MGRN1: variants seen among roughly 807,000 people sequenced by gnomAD.
MGRN1 encodes the protein E3 ubiquitin-protein ligase MGRN1.
A neutral mutation model predicts 69.2 loss-of-function variants in MGRN1; 29 were observed. That is an observed-to-expected ratio of 0.42 (90% CI 0.31 to 0.57). The LOEUF is 0.57. Among genes scored for constraint, MGRN1 ranks in the 20% least tolerant of loss-of-function variants. MGRN1 has a pLI of 0.15. For synonymous variants in MGRN1, 470 were observed against 344.2 expected, an observed-to-expected ratio of 1.37 and a Z score of -4.04; for missense variants, 998 against 796.2, an observed-to-expected ratio of 1.25 and a Z score of -3.05.
In MGRN1 at chr16:4,687,749, G is replaced by A. The variant is rs945643460; in HGVS notation, c.1619-1047G>A. ...CCGAGGCCCATGCAGCCTGCTGGGA[G>A]GTGCCTGGCCGGGGGTGCAGGCTCT... On this transcript the variant is annotated intron_variant, in intron 16 of 16. Transcript: ENST00000262370. The A allele has an allele frequency of 4.4e-5, 43 of 985,498 alleles. No individual in the cohort carries two copies. In the Middle Eastern group the frequency reaches 2.6e-3, roughly 60 times the overall value. 61.0% of individuals were successfully genotyped at this position (985,498 alleles called of 1,614,324 possible). A position where few individuals can be genotyped will look rare whatever the true frequency, so the allele number is the denominator to read the frequency against.
At chr16:4,688,333 A>G in intron 16 of MGRN1, 1 of 988,750 alleles carries the variant, frequency 1.0e-6, no homozygotes, top group Admixed American at 6.1e-5. Flanking sequence ...GCCTTGCAGT[A>G]GCCATCCGGG....
intron 10 of MGRN1, among the ~76,000 whole-genome samples, chr16:4,675,508 G>T (rs1376205233): frequency 6.6e-6 from 1 of 152,114 alleles, no homozygotes; most frequent in African/African-American, 2.4e-5. Flanking sequence ...GGAGGTCAAG[G>T]CAGGAGGATC....
intron 5 of MGRN1, among the ~76,000 whole-genome samples, chr16:4,657,963 T>C (rs1364553884): frequency 4.6e-5 from 7 of 151,372 alleles, no homozygotes; most frequent in South Asian, 2.1e-4. Context: ...AGGATGGTCT[T>C]GATCTCCTGA....
At chr16:4,656,975 G>C (rs1315470187) in intron 4 of MGRN1, among the ~76,000 whole-genome samples, 2 of 152,160 alleles carry the variant, frequency 1.3e-5, no homozygotes, top group Non-Finnish European at 2.9e-5. Flanking sequence ...AGCTACACTG[G>C]GGAGGTATCA....
chr16:4,652,113 T>C, intron 3 of MGRN1, 62 bp downstream of exon 3: 1 of 1,526,370 alleles, frequency 6.6e-7, no homozygotes, highest in Non-Finnish European at 9.0e-7. Context: ...TGGTGGAGGT[T>C]CTGGCTTGAT....
intron 4 of MGRN1, among the ~76,000 whole-genome samples, chr16:4,655,054 C>A (rs778664688): frequency 3.9e-5 from 6 of 152,218 alleles, no homozygotes; most frequent in South Asian, 4.1e-4. Context: ...CCAGGGCAGG[C>A]CCCTCTGTCC....
At chr16:4,653,915 G>C (rs1397628388) in intron 4 of MGRN1, among the ~76,000 whole-genome samples, 1 of 152,128 alleles carries the variant, frequency 6.6e-6, no homozygotes. Context: ...ACCATGCCTG[G>C]CTAATTTTGT....
chr16:4,629,150 ATGTGTGTGTGTG>A (rs377682804), intron 1 of MGRN1, among the ~76,000 whole-genome samples: 16 of 127,698 alleles, frequency 1.3e-4, no homozygotes, highest in East Asian at 4.6e-4. Flanking sequence ...TTCTGTTCGT[ATGTGTGTGTGTG>A]TGTGTGTGTG....
At chr16:4,681,840 C>A in intron 13 of MGRN1, 64 bp downstream of exon 13, 2 of 1,477,786 alleles carry the variant, frequency 1.4e-6, no homozygotes, top group South Asian at 2.5e-5. Flanking sequence ...GAGCGGGTGT[C>A]TTTGTGGTTT....
intron 16 of MGRN1, chr16:4,688,041 C>T (rs1226898668): frequency 2.0e-6 from 2 of 985,426 alleles, no homozygotes; most frequent in African/African-American, 1.7e-5. Flanking sequence ...TGATCTAGAA[C>T]AGGGCTCACA....
intron 16 of MGRN1, chr16:4,688,542 G>C: frequency 7.9e-7 from 1 of 1,261,318 alleles, no homozygotes; most frequent in South Asian, 2.9e-5. Context: ...CTCTGACTCG[G>C]GGCTGCAGAT....
chr16:4,636,752 C>T (rs1037957934), intron 1 of MGRN1, among the ~76,000 whole-genome samples: 2 of 151,994 alleles, frequency 1.3e-5, no homozygotes, highest in Admixed American at 6.6e-5. Flanking sequence ...AGGTTGAGCG[C>T]CTTTCTCTAT....
chr16:4,674,313 G>C (rs1038245045), intron 10 of MGRN1, among the ~76,000 whole-genome samples: 5 of 150,898 alleles, frequency 3.3e-5, no homozygotes, highest in Non-Finnish European at 7.4e-5. Flanking sequence ...TTTTGAGATA[G>C]AGTCTCGCTC....
At position 4,681,660 on chromosome 16, in the gene MGRN1, C is replaced by T. The variant is rs62037153; in HGVS notation, c.1242C>T (p.Ile414=). 1.9e-6 allele frequency: 3 copies of T among 1,613,398 alleles called. No homozygotes were observed. The highest frequency in any genetic ancestry group is 1.6e-4 in the Middle Eastern group (1 of 6,084). The change falls in exon 13 of 17, where the codon ATC becomes ATT. Residue 414 remains isoleucine, a synonymous_variant. Transcript: ENST00000262370. ...CCTCGGCCCCTCTTTATGAAGAAAT[C>T]ACCTATTCAGGCATCTCGGACGGCC... ...AIPSAPLYEE[I]TYSGISDGLS...
intron 5 of MGRN1, among the ~76,000 whole-genome samples, chr16:4,657,988 G>T (rs961901648): frequency 6.6e-6 from 1 of 150,704 alleles, no homozygotes; most frequent in Admixed American, 6.6e-5. Flanking sequence ...GTGATCCGCC[G>T]GCCTCGGCCT....
intron 11 of MGRN1, among the ~76,000 whole-genome samples, chr16:4,678,774 C>A (rs1040967382): frequency 2.0e-5 from 3 of 152,210 alleles, no homozygotes; most frequent in African/African-American, 4.8e-5. Context: ...TTCTTCCAGG[C>A]TCTGCTGCCT....
Position 4,683,947 on chromosome 16 carries a change from G to T in MGRN1, c.1618+15G>T. On this transcript the variant is annotated intron_variant, in intron 16 of 16. Transcript: ENST00000262370. ...CTACCTGCCAGGTAAGGGGCTGGGG[G>T]TCTGGGGGTGAGGGGCTGGGTGCCT... The T allele has an allele frequency of 6.4e-7, 1 of 1,551,662 alleles. No homozygotes were observed. The highest frequency in any genetic ancestry group is 8.7e-7 in the Non-Finnish European group (1 of 1,144,812).
intron 1 of MGRN1, among the ~76,000 whole-genome samples, chr16:4,639,015 G>C (rs940796312): frequency 1.3e-5 from 2 of 152,158 alleles, no homozygotes; most frequent in Non-Finnish European, 2.9e-5. Context: ...GTCCCAGTGA[G>C]AATGTCTCTC....
At chr16:4,630,876 G>A (rs1338278837) in intron 1 of MGRN1, among the ~76,000 whole-genome samples, 4 of 150,344 alleles carry the variant, frequency 2.7e-5, no homozygotes, top group South Asian at 2.1e-4. Context: ...GAGTATAGCG[G>A]CATGATGTCA....
Sources: gnomAD v4.1 joint callset for allele counts (sites outside exome capture counted in the v4.1 genomes callset) on GRCh38, gnomAD v4.1.1 for gene constraint, MANE v1.5 for transcripts, NCBI Gene and HGNC (gene_info 2026-07-23, HGNC 2026-07-21) for gene names.